The following TTLL5 variants were observed in gnomAD, a reference collection of about 807,000 sequenced individuals.
TTLL5 encodes tubulin polyglutamylase TTLL5.
Under a neutral mutation model 168.4 loss-of-function variants are expected in TTLL5, and 132 were observed. That is an observed-to-expected ratio of 0.78 (90% CI 0.68 to 0.91). The LOEUF is 0.91. TTLL5 is among the 40% of genes least tolerant of loss of function. TTLL5 has a pLI of 0.00. For missense variants in TTLL5, 1,545 were observed against 1,581.5 expected (o/e 0.98, Z 0.39); for synonymous variants, 546 against 558.6 (o/e 0.98, Z 0.32).
At chr14:75,896,276 T>G (rs900205940) in intron 30 of TTLL5, among the ~76,000 whole-genome samples, 23 of 152,078 alleles carry the variant, frequency 1.5e-4, no homozygotes, top group Admixed American at 2.6e-4. Flanking sequence ...TTACTATGAG[T>G]AAATGTTTGG....
chr14:75,911,151 C>G (rs987065032), intron 31 of TTLL5, among the ~76,000 whole-genome samples: 10 of 152,188 alleles, frequency 6.6e-5, no homozygotes, highest in Non-Finnish European at 1.0e-4. Context: ...CCTTCGCCTC[C>G]CGAGTAGCTG....
chr14:75,836,432 G>T (rs1206512347), intron 28 of TTLL5, among the ~76,000 whole-genome samples: 1 of 149,390 alleles, frequency 6.7e-6, no homozygotes, highest in Non-Finnish European at 1.5e-5. Context: ...GGGAAGTGGG[G>T]ATGGTTAATG....
In TTLL5 at chr14:75,663,088, A is replaced by C. The variant is rs1890861636; in HGVS notation, c.-62A>C. 1 of 1,489,136 alleles carries C rather than the reference A, an allele frequency of 6.7e-7. No homozygotes were observed. Among genetic ancestry groups the C allele is most frequent in the Non-Finnish European group, 9.3e-7 (1 of 1,073,798 alleles). 92.2% of individuals were successfully genotyped at this position (1,489,136 alleles called of 1,614,324 possible). A position where few individuals can be genotyped will look rare whatever the true frequency, so the allele number is the denominator to read the frequency against. On this transcript the variant is annotated 5_prime_UTR_variant, in exon 2 of 32. Transcript: ENST00000298832. ...GCCATCCAAATTGCTTGATCCAGTG[A>C]ATCTGCTAGGAAAGGTCTCTGAGGC...
chr14:75,953,466 C>T (rs2035022178), intron 31 of TTLL5, among the ~76,000 whole-genome samples: 1 of 152,070 alleles, frequency 6.6e-6, no homozygotes, highest in South Asian at 2.1e-4. Context: ...AAATTCAAAG[C>T]CACATAAAAT....
At chr14:75,743,775 G>C (rs1211031001) in intron 15 of TTLL5, among the ~76,000 whole-genome samples, 1 of 151,786 alleles carries the variant, frequency 6.6e-6, no homozygotes, top group Non-Finnish European at 1.5e-5. Flanking sequence ...TAGAGATGGG[G>C]TTTCACCGTG....
At chr14:75,808,047 A>G (rs903017640) in intron 27 of TTLL5, among the ~76,000 whole-genome samples, 10 of 152,228 alleles carry the variant, frequency 6.6e-5, no homozygotes, top group African/African-American at 1.9e-4. Context: ...TAGAGATGCA[A>G]TAAGAATAGA....
rs149341443 is a variant in TTLL5 at position 75,847,095 on chromosome 14, G to A, written c.3327-16572G>A. Reference sequence around the variant, plus strand: ...CAGCTCACTGCAACCTCTGCTTCCCGGGTTCAATTGATTCTCCTGCCTCAA... The same window carrying A: ...CAGCTCACTGCAACCTCTGCTTCCCAGGTTCAATTGATTCTCCTGCCTCAA... On this transcript the variant is annotated intron_variant, in intron 28 of 31. Coordinates refer to ENST00000298832, the MANE Select transcript of TTLL5 (RefSeq NM_015072.5). Among the ~76,000 whole-genome samples, 1,437 of 151,958 alleles carry A rather than the reference G, an allele frequency of 9.5e-3. 50 individuals carry two copies. Among genetic ancestry groups the A allele is most frequent in the African/African-American group, 0.033 (1,368 of 41,292 alleles).
intron 8 of TTLL5, 99 bp downstream of exon 8, chr14:75,707,186 G>C: frequency 2.1e-6 from 2 of 935,504 alleles, no homozygotes; most frequent in South Asian, 3.0e-5. Flanking sequence ...TTATACTGTT[G>C]TGAAATTCTT....
At chr14:75,721,423 G>A (rs1887829873) in intron 12 of TTLL5, among the ~76,000 whole-genome samples, 1 of 152,194 alleles carries the variant, frequency 6.6e-6, no homozygotes, top group Admixed American at 6.5e-5. Context: ...GCAGTGTTAG[G>A]CTTTGTTAGT....
chr14:75,811,156 AGTGTGT>A lies in TTLL5; in HGVS notation c.3172-8824_3172-8819del, dbSNP rs148883248. Among the ~76,000 whole-genome samples the A allele has an allele frequency of 1.1e-3, 126 of 116,626 alleles. 2 individuals are homozygous for A. Among genetic ancestry groups the A allele is most frequent in the Middle Eastern group, 4.2e-3 (1 of 240 alleles). 76.5% of individuals were successfully genotyped at this position (116,626 alleles called of 152,430 possible). ...GGGAAAGAGAGGGAATGAAAGAAAG[AGTGTGT>A]GTGTGTGTGTGTGTGTGTGTGTGTG... On this transcript the variant is annotated intron_variant, in intron 27 of 31. Transcript: ENST00000298832.
Position 75,879,558 on chromosome 14 carries a change from A to G in TTLL5, c.3523-3127A>G, listed in dbSNP as rs557195116. 1.1e-4 allele frequency among the ~76,000 whole-genome samples: 17 copies of G among 152,346 alleles called. No individual in the cohort carries two copies. The South Asian group carries it at 3.1e-3, about 28-fold the overall frequency. On this transcript the variant is annotated intron_variant, in intron 29 of 31. Coordinates refer to ENST00000298832, the MANE Select transcript of TTLL5 (RefSeq NM_015072.5). ...GAATGCCTAGGCTAAGGTTACCTACATGATGACCTCCAAAAATCCAATGAA... is the reference window on the plus strand; with the variant it reads ...GAATGCCTAGGCTAAGGTTACCTACGTGATGACCTCCAAAAATCCAATGAA...
At chr14:75,948,253 G>A (rs1293669156) in intron 31 of TTLL5, among the ~76,000 whole-genome samples, 1 of 152,208 alleles carries the variant, frequency 6.6e-6, no homozygotes, top group East Asian at 1.9e-4. Context: ...GGGAGGCCAA[G>A]ACGGGTGGAT....
At chr14:75,871,276 A>G (rs2031011402) in intron 29 of TTLL5, among the ~76,000 whole-genome samples, 1 of 152,216 alleles carries the variant, frequency 6.6e-6, no homozygotes, top group Non-Finnish European at 1.5e-5. Context: ...ATGAACACGC[A>G]GTAAATGCTT....
chr14:75,731,796 A>G (rs575851159), intron 12 of TTLL5, among the ~76,000 whole-genome samples: 1 of 152,322 alleles, frequency 6.6e-6, no homozygotes, highest in Non-Finnish European at 1.5e-5. Flanking sequence ...GGGAAAGAAT[A>G]AATACATTTA....
intron 29 of TTLL5, among the ~76,000 whole-genome samples, chr14:75,864,123 T>G (rs745405310): frequency 3.3e-5 from 5 of 152,078 alleles, no homozygotes; most frequent in African/African-American, 7.2e-5. Context: ...CAAAAATCTC[T>G]ATTGTGGTGT....
intron 30 of TTLL5, among the ~76,000 whole-genome samples, chr14:75,892,554 G>A (rs2032452669): frequency 6.6e-6 from 1 of 152,188 alleles, no homozygotes. Flanking sequence ...AACTGGGGGA[G>A]TGCGACTGGC....
At chr14:75,780,233 C>T (rs1891967400) in intron 24 of TTLL5, among the ~76,000 whole-genome samples, 3 of 152,326 alleles carry the variant, frequency 2.0e-5, no homozygotes, top group South Asian at 4.1e-4. Context: ...TCTAACTTAA[C>T]ATCATTGGCA....
At chr14:75,869,277 TGAAAATACATA>T in intron 29 of TTLL5, among the ~76,000 whole-genome samples, 1 of 152,280 alleles carries the variant, frequency 6.6e-6, no homozygotes, top group South Asian at 2.1e-4. Context: ...TCTTATTTAA[TGAAAATACATA>T]GAAAATACAT....
chr14:75,667,770 T>A (rs1883393194), intron 2 of TTLL5, among the ~76,000 whole-genome samples: 1 of 146,320 alleles, frequency 6.8e-6, no homozygotes, highest in Non-Finnish European at 1.5e-5. Flanking sequence ...TTTTTTTTTT[T>A]TTTTTTATTG....
Sources: allele counts gnomAD v4.1 joint callset (sites outside exome capture counted in the v4.1 genomes callset), GRCh38; gene constraint gnomAD v4.1.1; transcripts MANE v1.5; gene names NCBI Gene and HGNC (gene_info 2026-07-23, HGNC 2026-07-21).